MYO5C: variants seen among roughly 807,000 people sequenced by gnomAD.
MYO5C encodes myosin VC.
In MYO5C, 194 loss-of-function variants were observed where a neutral mutation model predicts 235.7. The ratio of observed to expected loss-of-function variants is 0.82; its 90% confidence interval spans 0.73 to 0.93. The LOEUF (loss-of-function observed/expected upper bound fraction) is 0.93. Ranked by LOEUF, MYO5C falls within the 40% of genes least tolerant of loss-of-function variation. The pLI, the probability that MYO5C is intolerant of heterozygous loss-of-function variation, is 0.00. For missense variants in MYO5C, 2,038 were observed against 2,127.2 expected (o/e 0.96, Z 0.82); for synonymous variants, 707 against 754.8 (o/e 0.94, Z 1.04).
intron 1 of MYO5C, among the ~76,000 whole-genome samples, chr15:52,285,724 G>A (rs955047172): frequency 6.6e-6 from 1 of 152,252 alleles, no homozygotes; most frequent in Non-Finnish European, 1.5e-5. Flanking sequence ...GCCAGCCTCG[G>A]CTTCCCGAGT....
intron 38 of MYO5C, among the ~76,000 whole-genome samples, chr15:52,203,193 G>A (rs923985880): frequency 1.3e-5 from 2 of 151,768 alleles, no homozygotes; most frequent in Non-Finnish European, 2.9e-5. Context: ...CAAAGTCCTG[G>A]GATTACAGGT....
intron 34 of MYO5C, 138 bp from the exon 35 acceptor site, chr15:52,212,022 T>A: frequency 5.1e-6 from 4 of 787,922 alleles, no homozygotes; most frequent in Non-Finnish European, 7.5e-6. Flanking sequence ...TATTTCCTCT[T>A]TGAGGAATTC....
At chr15:52,259,262 T>TA (rs968216826) in intron 10 of MYO5C, among the ~76,000 whole-genome samples, 5 of 150,652 alleles carry the variant, frequency 3.3e-5, no homozygotes, top group Non-Finnish European at 4.4e-5. Flanking sequence ...CTACTAAAAA[T>TA]AAAAAAAATC....
intron 9 of MYO5C, among the ~76,000 whole-genome samples, chr15:52,262,926 A>G (rs988147441): frequency 9.2e-5 from 14 of 152,194 alleles, no homozygotes; most frequent in African/African-American, 3.4e-4. Context: ...GGAGGTAATC[A>G]GGGTTGGCTA....
At chr15:52,223,235 T>C (rs2035740912) in intron 29 of MYO5C, among the ~76,000 whole-genome samples, 1 of 151,868 alleles carries the variant, frequency 6.6e-6, no homozygotes, top group Non-Finnish European at 1.5e-5. Flanking sequence ...ACCCTTCAAT[T>C]TTGTGGTCAC....
Position 52,235,650 on chromosome 15 carries a change from T to G in MYO5C, c.2962+20A>C. The G allele has an allele frequency of 6.3e-7, 1 of 1,578,962 alleles. No individual in the cohort carries two copies. The highest frequency in any genetic ancestry group is 1.2e-5 in the South Asian group (1 of 86,754). Reference sequence around the variant, plus strand: ...TGACTAAATCAGTGAATGTCTGGATTTGTGCCCCCCAAGCTTTACCTTTTA... The same window carrying G: ...TGACTAAATCAGTGAATGTCTGGATGTGTGCCCCCCAAGCTTTACCTTTTA... On this transcript the variant is annotated intron_variant, in intron 23 of 40. Transcript: ENST00000261839.
chr15:52,279,656 T>C lies in MYO5C; in HGVS notation c.157A>G (p.Asn53Asp). The C allele has an allele frequency of 6.2e-7, 1 of 1,613,176 alleles. No homozygotes were observed. Among genetic ancestry groups the C allele is most frequent in the Non-Finnish European group, 8.5e-7 (1 of 1,179,124 alleles). The change falls in exon 3 of 41, where the codon AAT becomes GAT. Residue 53 changes from asparagine to aspartate, a missense_variant. Transcript: ENST00000261839. ...EDGTELDYSV[N>D]PESLPPLRNP... ...CGAAGTGGAGGCAGAGATTCTGGAT[T>C]GACAGAATAATCCAGCTCCTATGGA...
At chr15:52,291,584 C>T (rs970175816) in intron 1 of MYO5C, among the ~76,000 whole-genome samples, 5 of 151,984 alleles carry the variant, frequency 3.3e-5, no homozygotes, top group Non-Finnish European at 7.4e-5. Flanking sequence ...ACAGAAACGA[C>T]GCCAGGGACC....
chr15:52,266,876 G>C (rs1004013277), intron 8 of MYO5C, among the ~76,000 whole-genome samples: 1 of 152,188 alleles, frequency 6.6e-6, no homozygotes, highest in Non-Finnish European at 1.5e-5. Context: ...AGGTGCAGTG[G>C]CCCCAATCTC....
intron 24 of MYO5C, among the ~76,000 whole-genome samples, chr15:52,230,358 GAGAA>G (rs984908055): frequency 3.3e-5 from 5 of 151,958 alleles, no homozygotes; most frequent in African/African-American, 9.7e-5. Context: ...GAAAAACTCT[GAGAA>G]AGAGAGCCAC....
At chr15:52,209,951 T>C (rs554362421) in intron 35 of MYO5C, among the ~76,000 whole-genome samples, 1 of 152,058 alleles carries the variant, frequency 6.6e-6, no homozygotes, top group African/African-American at 2.4e-5. Context: ...TCCTAGAGTT[T>C]ATTAATTAAT....
chr15:52,232,534 T>C, intron 24 of MYO5C, 88 bp downstream of exon 24: 1 of 1,248,106 alleles, frequency 8.0e-7, no homozygotes, highest in South Asian at 1.2e-5. Context: ...CTTGTATCTG[T>C]GTCTGCTATA....
chr15:52,209,766 C>T lies in MYO5C; in HGVS notation c.4297-1123G>A, dbSNP rs569676556. On this transcript the variant is annotated intron_variant, in intron 35 of 40. Coordinates refer to ENST00000261839, the MANE Select transcript of MYO5C (RefSeq NM_018728.4). The stretch of plus-strand genomic sequence containing the variant: ...AACATCAATTTATGGGAGCCCCTTC[C>T]AAAAACACTGTGGTGGCTCCTGTGA... Among the ~76,000 whole-genome samples, 10 of 152,224 alleles carry T rather than the reference C, an allele frequency of 6.6e-5. 1 individual carries two copies. The South Asian group carries it at 1.9e-3, about 28-fold the overall frequency.
In MYO5C at chr15:52,193,959, A is replaced by C; in HGVS notation, c.5172T>G (p.Ala1724=). The C allele has an allele frequency of 1.2e-6, 2 of 1,613,722 alleles. No individual in the cohort carries two copies. The highest frequency in any genetic ancestry group is 1.7e-6 in the Non-Finnish European group (2 of 1,179,876). The change falls in exon 41 of 41, where the codon GCT becomes GCG. Residue 1724 remains alanine, a synonymous_variant. Transcript: ENST00000261839. ...VTFPFTPSPH[A]LEMIQIPSSF... The stretch of plus-strand genomic sequence containing the variant: ...TGCTGGGGATCTGAATCATTTCCAG[A>C]GCATGTGGAGAGGGGGTAAAAGGAA...
At chr15:52,287,961 C>T (rs911993472) in intron 1 of MYO5C, among the ~76,000 whole-genome samples, 1 of 149,916 alleles carries the variant, frequency 6.7e-6, no homozygotes, top group Non-Finnish European at 1.5e-5. Context: ...GGGTGACATG[C>T]GTGAAACTCC....
At chr15:52,256,992 G>T (rs947267823) in intron 10 of MYO5C, 3 of 314,526 alleles carry the variant, frequency 9.5e-6, no homozygotes, top group African/African-American at 4.2e-5. Context: ...GGTGTAGTCC[G>T]CACAACAACA....
chr15:52,195,506 T>C, intron 39 of MYO5C, 49 bp from the exon 40 acceptor site: 7 of 1,294,162 alleles, frequency 5.4e-6, no homozygotes, highest in Non-Finnish European at 6.5e-6. Flanking sequence ...ATAATAACTC[T>C]GTTCATAAAA....
At chr15:52,269,011 TAAA>T in intron 8 of MYO5C, among the ~76,000 whole-genome samples, 1 of 152,360 alleles carries the variant, frequency 6.6e-6, no homozygotes, top group East Asian at 1.9e-4. Context: ...CACAGAGTTA[TAAA>T]GTGCTTAGGA....
chr15:52,271,364 GACTACA>G (rs2036921556), intron 7 of MYO5C, among the ~76,000 whole-genome samples: 1 of 152,078 alleles, frequency 6.6e-6, no homozygotes, highest in Non-Finnish European at 1.5e-5. Context: ...AAGTAGCTGG[GACTACA>G]GGTGCGTGCC....
Sources: gnomAD v4.1 joint callset for allele counts (sites outside exome capture counted in the v4.1 genomes callset) on GRCh38, gnomAD v4.1.1 for gene constraint, MANE v1.5 for transcripts, NCBI Gene and HGNC (gene_info 2026-07-23, HGNC 2026-07-21) for gene names.